The following SLC24A2 variants were observed in gnomAD, a reference collection of about 807,000 sequenced individuals.
SLC24A2 encodes sodium/potassium/calcium exchanger 2.
Under a neutral mutation model 62.0 loss-of-function variants are expected in SLC24A2, and 36 were observed. The observed-to-expected ratio is 0.58, with a 90% CI of 0.44 to 0.77. The LOEUF (loss-of-function observed/expected upper bound fraction) is 0.77, where lower values mean the gene tolerates loss of function less well. SLC24A2 is among the 30% of genes least tolerant of loss of function. SLC24A2 has a pLI of 0.00. For missense variants in SLC24A2, 846 were observed against 817.9 expected (o/e 1.03, Z -0.42); for synonymous variants, 358 against 294.0 (o/e 1.22, Z -2.23).
chr9:19,712,551 G>C (rs911355728), intron 2 of SLC24A2, among the ~76,000 whole-genome samples: 1 of 152,142 alleles, frequency 6.6e-6, no homozygotes, highest in Non-Finnish European at 1.5e-5. Flanking sequence ...AGACAAATGA[G>C]AGGCAGGAGT....
chr9:20,208,011 T>C, the SLC24A2 span, among the ~76,000 whole-genome samples: 3 of 152,182 alleles, frequency 2.0e-5, no homozygotes, highest in Non-Finnish European at 4.4e-5. Flanking sequence ...CTGCCTTCAA[T>C]GGACTTAAAG....
the SLC24A2 span, among the ~76,000 whole-genome samples, chr9:19,823,686 G>T: frequency 6.6e-6 from 1 of 152,034 alleles, no homozygotes; most frequent in South Asian, 2.1e-4. Flanking sequence ...GGAGTGTTGA[G>T]AGTGGTATGC....
chr9:19,932,224 T>C, the SLC24A2 span, among the ~76,000 whole-genome samples: 1 of 152,230 alleles, frequency 6.6e-6, no homozygotes, highest in Non-Finnish European at 1.5e-5. Flanking sequence ...GAAATGGTCT[T>C]GGTTTCTTTT....
At chr9:20,080,096 T>G in the SLC24A2 span, among the ~76,000 whole-genome samples, 1 of 152,178 alleles carries the variant, frequency 6.6e-6, no homozygotes, top group African/African-American at 2.4e-5. Flanking sequence ...AAGCTACCAA[T>G]GACTTTCTTC....
At chr9:20,205,209 C>T in the SLC24A2 span, among the ~76,000 whole-genome samples, 10 of 151,980 alleles carry the variant, frequency 6.6e-5, no homozygotes, top group Admixed American at 4.6e-4. Context: ...GGGGAGTACA[C>T]GCAAAGCATT....
At chr9:19,771,006 A>G (rs1293968321) in intron 2 of SLC24A2, among the ~76,000 whole-genome samples, 1 of 152,214 alleles carries the variant, frequency 6.6e-6, no homozygotes, top group East Asian at 1.9e-4. Flanking sequence ...CTGGACTGAG[A>G]TGGTGGTACG....
At chr9:20,086,499 T>C in the SLC24A2 span, among the ~76,000 whole-genome samples, 2 of 152,196 alleles carry the variant, frequency 1.3e-5, no homozygotes, top group African/African-American at 4.8e-5. Flanking sequence ...GCCTTTGCTG[T>C]GTCACTTCCT....
At chr9:19,660,555 G>A (rs148416210) in intron 2 of SLC24A2, among the ~76,000 whole-genome samples, 3 of 152,280 alleles carry the variant, frequency 2.0e-5, no homozygotes, top group African/African-American at 7.2e-5. Context: ...GGACAGGTGA[G>A]GGAGCAGCTA....
chr9:20,070,841 T>C, the SLC24A2 span, among the ~76,000 whole-genome samples: 2 of 152,214 alleles, frequency 1.3e-5, no homozygotes, highest in Non-Finnish European at 2.9e-5. Flanking sequence ...TCTGTACAAA[T>C]ATTTGTCATG....
At chr9:19,662,569 G>T (rs1819133125) in intron 2 of SLC24A2, among the ~76,000 whole-genome samples, 1 of 152,140 alleles carries the variant, frequency 6.6e-6, no homozygotes, top group Non-Finnish European at 1.5e-5. Flanking sequence ...TAATTTACAA[G>T]CCCTTGGACA....
At chr9:19,671,072 C>T (rs1819399818) in intron 2 of SLC24A2, among the ~76,000 whole-genome samples, 1 of 58,842 alleles carries the variant, frequency 1.7e-5, no homozygotes, top group African/African-American at 3.4e-5. Context: ...GAAAACCAAA[C>T]ATCACATGTG....
the SLC24A2 span, among the ~76,000 whole-genome samples, chr9:20,127,855 T>A: frequency 6.6e-6 from 1 of 152,162 alleles, no homozygotes; most frequent in African/African-American, 2.4e-5. Flanking sequence ...GTTTCTTAAC[T>A]AGAGGAGAGA....
chr9:20,157,805 G>A, the SLC24A2 span, among the ~76,000 whole-genome samples: 30 of 151,610 alleles, frequency 2.0e-4, no homozygotes, highest in East Asian at 5.3e-3. Context: ...CCCTCTCCCT[G>A]TTTCCATCAC....
chr9:20,258,452 T>C, the SLC24A2 span, among the ~76,000 whole-genome samples: 5 of 152,116 alleles, frequency 3.3e-5, no homozygotes, highest in African/African-American at 9.7e-5. Context: ...TCAACATGGG[T>C]GGGTGCCATC....
chr9:20,176,592 C>T, the SLC24A2 span, among the ~76,000 whole-genome samples: 2 of 152,054 alleles, frequency 1.3e-5, no homozygotes, highest in Non-Finnish European at 2.9e-5. Context: ...TACTATCTTG[C>T]CGATGAGAAG....
At chr9:19,855,379 T>C in the SLC24A2 span, among the ~76,000 whole-genome samples, 1 of 152,210 alleles carries the variant, frequency 6.6e-6, no homozygotes, top group Non-Finnish European at 1.5e-5. Context: ...AGTTGCTTCA[T>C]AGTGTCATTG....
intron 2 of SLC24A2, among the ~76,000 whole-genome samples, chr9:19,645,127 C>T (rs13288831): frequency 0.46 from 70,039 of 151,944 alleles, 16,894 homozygotes; most frequent in East Asian, 0.81. Flanking sequence ...CTCCACACTG[C>T]AAAGGTATGG....
At chr9:20,039,133 G>C in the SLC24A2 span, among the ~76,000 whole-genome samples, 4 of 152,352 alleles carry the variant, frequency 2.6e-5, no homozygotes, top group South Asian at 8.3e-4. Flanking sequence ...GAGGCGGCAT[G>C]GTGTGGTGGA....
the SLC24A2 span, among the ~76,000 whole-genome samples, chr9:20,079,784 T>A: frequency 6.6e-6 from 1 of 152,172 alleles, no homozygotes; most frequent in African/African-American, 2.4e-5. Context: ...TGATTTTGTA[T>A]CCTGAGACTT....
Sources: allele counts gnomAD v4.1 joint callset (sites outside exome capture counted in the v4.1 genomes callset), GRCh38; gene constraint gnomAD v4.1.1; transcripts MANE v1.5; gene names NCBI Gene and HGNC (gene_info 2026-07-23, HGNC 2026-07-21).